NTRK3: variants seen among roughly 807,000 people sequenced by gnomAD.
NTRK3 encodes neurotrophic receptor tyrosine kinase 3, also known as NT-3 growth factor receptor.
NTRK3 carries 24 observed loss-of-function variants against 91.7 expected under a neutral mutation model. The observed-to-expected ratio is 0.26, with a 90% CI of 0.19 to 0.37. The LOEUF is 0.37. Among genes scored for constraint, NTRK3 ranks in the 10% least tolerant of loss-of-function variants. The pLI is 1.00. For synonymous variants in NTRK3, 483 were observed against 404.0 expected, an observed-to-expected ratio of 1.20 and a Z score of -2.34; for missense variants, 880 against 1,068.9, an observed-to-expected ratio of 0.82 and a Z score of 2.46.
At chr15:87,887,665 G>C (rs980918069) in intron 17 of NTRK3, among the ~76,000 whole-genome samples, 1 of 152,136 alleles carries the variant, frequency 6.6e-6, no homozygotes, top group African/African-American at 2.4e-5. Context: ...CCCTGTCTGG[G>C]AAAGGTAGTG....
At chr15:88,209,390 GC>G (rs1379070527) in intron 3 of NTRK3, among the ~76,000 whole-genome samples, 1 of 152,244 alleles carries the variant, frequency 6.6e-6, no homozygotes. Context: ...TCTGTTACCA[GC>G]TGGTGCTATT....
At chr15:88,033,217 A>ATATAT (rs2078753442) in intron 13 of NTRK3, among the ~76,000 whole-genome samples, 172 bp from the exon 14 acceptor site, 7 of 49,688 alleles carry the variant, frequency 1.4e-4, no homozygotes, top group East Asian at 4.1e-4. Flanking sequence ...TATATATATA[A>ATATAT]ATTCAGTTGT....
At chr15:88,042,426 T>TCCTCCGGCTTCCAGACAGACTCTGCCC (rs1217209584) in intron 13 of NTRK3, among the ~76,000 whole-genome samples, 1 of 152,178 alleles carries the variant, frequency 6.6e-6, no homozygotes, top group Non-Finnish European at 1.5e-5. Flanking sequence ...CCTCTCTGCC[T>TCCTCCGGCTTCCAGACAGACTCTGCCC]CCTCCGGCTT....
At chr15:88,137,348 T>C (rs2041971730) in intron 7 of NTRK3, 56 bp downstream of exon 7, 1 of 1,598,286 alleles carries the variant, frequency 6.3e-7, no homozygotes, top group South Asian at 1.1e-5. Context: ...GCACCATCTC[T>C]GGTGTCTGAG....
rs143917593 is a variant in NTRK3 at position 88,036,321 on chromosome 15, G to C, written c.1397-3276C>G. ...TTTATAAAGGAACAGCAATCAGAAA[G>C]ACAATGGAATCATTCTCTATAACAA... is the stretch of plus-strand genomic sequence containing the variant. On this transcript the variant is annotated intron_variant, in intron 13 of 18. Transcript: ENST00000394480. Among the ~76,000 whole-genome samples, 454 of 151,620 alleles carry C rather than the reference G, an allele frequency of 3.0e-3. 1 individual carries two copies. Among genetic ancestry groups the C allele is most frequent in the African/African-American group, 0.01 (419 of 41,320 alleles).
At chr15:88,107,283 A>C (rs1310805463) in intron 13 of NTRK3, among the ~76,000 whole-genome samples, 1 of 152,062 alleles carries the variant, frequency 6.6e-6, no homozygotes, top group Non-Finnish European at 1.5e-5. Context: ...TCTCTACAAA[A>C]ACTACAAAAA....
intron 14 of NTRK3, among the ~76,000 whole-genome samples, chr15:87,966,428 G>A (rs937801724): frequency 2.0e-5 from 3 of 152,208 alleles, no homozygotes; most frequent in African/African-American, 7.2e-5. Context: ...GTGCTAAGGA[G>A]TTGGCCCCTG....
At chr15:88,254,695 G>C (rs1045905270) in intron 3 of NTRK3, among the ~76,000 whole-genome samples, 6 of 152,150 alleles carry the variant, frequency 3.9e-5, no homozygotes, top group South Asian at 2.1e-4. Flanking sequence ...CCTTAAGTCC[G>C]TCGAAGGGGT....
At chr15:88,125,938 G>A (rs1175601492) in intron 13 of NTRK3, among the ~76,000 whole-genome samples, 3 of 152,088 alleles carry the variant, frequency 2.0e-5, no homozygotes, top group Admixed American at 1.3e-4. Context: ...TTACTCACCC[G>A]TAATGAAAAT....
intron 14 of NTRK3, among the ~76,000 whole-genome samples, chr15:88,030,247 C>A (rs894485089): frequency 2.0e-5 from 3 of 152,172 alleles, no homozygotes; most frequent in Non-Finnish European, 4.4e-5. Flanking sequence ...CCGTCTGGAT[C>A]CTGAGAATAG....
Position 88,137,350 on chromosome 15 carries a change from G to A in NTRK3, c.622+54C>T. On this transcript the variant is annotated intron_variant, in intron 7 of 18. Coordinates refer to ENST00000394480, the Ensembl canonical transcript of NTRK3. ...AAGGTAACGTCCAGCACCATCTCTG[G>A]TGTCTGAGGGATGCCTCCCTGGAGC... 2.5e-6 allele frequency: 4 copies of A among 1,601,478 alleles called. No homozygotes were observed. The South Asian group carries it at 4.4e-5, about 18-fold the overall frequency.
chr15:88,005,468 C>G (rs2076419452), intron 14 of NTRK3, among the ~76,000 whole-genome samples: 1 of 152,158 alleles, frequency 6.6e-6, no homozygotes, highest in Non-Finnish European at 1.5e-5. Context: ...TCTGTCCGCC[C>G]TAAAACACAC....
At chr15:88,028,785 T>A (rs1031842835) in intron 14 of NTRK3, among the ~76,000 whole-genome samples, 1 of 151,634 alleles carries the variant, frequency 6.6e-6, no homozygotes, top group African/African-American at 2.4e-5. Context: ...CAACCAAGAG[T>A]ATGGGTGTGG....
At chr15:87,987,087 G>A (rs2074879314) in intron 14 of NTRK3, among the ~76,000 whole-genome samples, 1 of 152,258 alleles carries the variant, frequency 6.6e-6, no homozygotes, top group African/African-American at 2.4e-5. Flanking sequence ...AAATGAAGAT[G>A]CTCAGACCCC....
chr15:88,202,753 T>C (rs1230808809), intron 3 of NTRK3, among the ~76,000 whole-genome samples: 2 of 152,212 alleles, frequency 1.3e-5, no homozygotes, highest in African/African-American at 4.8e-5. Flanking sequence ...TCCACACCTG[T>C]GTGTCCAAAG....
At chr15:87,885,813 C>T (rs942992631) in intron 17 of NTRK3, 78 bp from the exon 18 acceptor site, 5 of 562,678 alleles carry the variant, frequency 8.9e-6, no homozygotes, top group South Asian at 1.1e-4. Flanking sequence ...AAAAGGAAGG[C>T]CTTCCTAAAT....
At chr15:87,987,473 G>A (rs2074912054) in intron 14 of NTRK3, among the ~76,000 whole-genome samples, 1 of 151,596 alleles carries the variant, frequency 6.6e-6, no homozygotes, top group Admixed American at 6.6e-5. Context: ...TCTTGTGTGT[G>A]TCTTTCTCTC....
At chr15:87,918,797 T>C (rs891028571) in intron 17 of NTRK3, among the ~76,000 whole-genome samples, 1 of 152,178 alleles carries the variant, frequency 6.6e-6, no homozygotes, top group Non-Finnish European at 1.5e-5. Flanking sequence ...GGGTAGGAAA[T>C]AAACCAACAT....
At chr15:88,059,037 C>A (rs960129724) in intron 13 of NTRK3, among the ~76,000 whole-genome samples, 8 of 145,850 alleles carry the variant, frequency 5.5e-5, no homozygotes, top group African/African-American at 2.0e-4. Context: ...CCCTTTATTT[C>A]ACTCACACAC....
Sources: allele counts gnomAD v4.1 joint callset (sites outside exome capture counted in the v4.1 genomes callset), GRCh38; gene constraint gnomAD v4.1.1; transcripts MANE v1.5; gene names NCBI Gene and HGNC (gene_info 2026-07-23, HGNC 2026-07-21).